Variants in DNER observed in about 807,000 individuals in gnomAD.
The protein encoded by DNER is delta and Notch-like epidermal growth factor-related receptor.
Under a neutral mutation model 78.2 loss-of-function variants are expected in DNER, and 33 were observed. That is an observed-to-expected ratio of 0.42 (90% confidence interval 0.32 to 0.56). The LOEUF is 0.56. Ranked by LOEUF, DNER falls within the 20% of genes least tolerant of loss-of-function variation. The pLI, the probability that DNER is intolerant of heterozygous loss-of-function variation, is 0.11. For synonymous variants in DNER, 417 were observed against 384.8 expected (o/e 1.08, Z -0.98); for missense variants, 918 against 975.3 (o/e 0.94, Z 0.78).
intron 7 of DNER, among the ~76,000 whole-genome samples, chr2:229,467,558 C>T (rs2154211043): frequency 6.6e-6 from 1 of 152,262 alleles, no homozygotes; most frequent in African/African-American, 2.4e-5. Flanking sequence ...AGGGCCAGGA[C>T]TGTATCACAT....
intron 8 of DNER, among the ~76,000 whole-genome samples, chr2:229,425,514 A>AGGACACTTTGCTGCAAAAGGAATT (rs1402663022): frequency 1.3e-5 from 2 of 152,142 alleles, no homozygotes; most frequent in Non-Finnish European, 2.9e-5. Context: ...AAAGGTCTTA[A>AGGACACTTTGCTGCAAAAGGAATT]GAGTCACTCA....
At chr2:229,624,610 C>G (rs1323902534) in intron 1 of DNER, among the ~76,000 whole-genome samples, 1 of 152,156 alleles carries the variant, frequency 6.6e-6, no homozygotes, top group Non-Finnish European at 1.5e-5. Flanking sequence ...TAAAATAGTT[C>G]CTGTCTTAAA....
rs143726600 is a variant in DNER at position 229,437,131 on chromosome 2, G to A, written c.1486+10185C>T. Among the ~76,000 whole-genome samples, 75 of 152,296 alleles carry A rather than the reference G, an allele frequency of 4.9e-4. 1 individual carries two copies. The highest frequency in any genetic ancestry group is 1.7e-3 in the African/African-American group (72 of 41,560). ...ACCAAACAAACAGAAAACATAAAAA[G>A]GCAGGGGCTGCTATACAAATAGGAT... On this transcript the variant is annotated intron_variant, in intron 8 of 12. Transcript: ENST00000341772.
At chr2:229,712,277 C>T (rs1225707892) in intron 1 of DNER, among the ~76,000 whole-genome samples, 2 of 152,192 alleles carry the variant, frequency 1.3e-5, no homozygotes, top group Non-Finnish European at 2.9e-5. Context: ...TATTATACAT[C>T]AAGTCACTAC....
chr2:229,548,809 T>C (rs1445398988), intron 4 of DNER, among the ~76,000 whole-genome samples: 1 of 152,164 alleles, frequency 6.6e-6, no homozygotes, highest in African/African-American at 2.4e-5. Flanking sequence ...TATAGGGGGC[T>C]ATTTCATTGA....
chr2:229,502,173 A>G (rs1284126862), intron 6 of DNER, among the ~76,000 whole-genome samples: 2 of 152,198 alleles, frequency 1.3e-5, no homozygotes, highest in Non-Finnish European at 2.9e-5. Context: ...ACCCATATGG[A>G]GCATGGCCCT....
intron 4 of DNER, among the ~76,000 whole-genome samples, chr2:229,563,760 C>A (rs1486683210): frequency 1.5e-5 from 2 of 130,982 alleles, no homozygotes; most frequent in Admixed American, 7.6e-5. Context: ...CATCATCCTC[C>A]TCACCCCATC....
At chr2:229,648,517 T>C (rs892114938) in intron 1 of DNER, among the ~76,000 whole-genome samples, 1 of 152,236 alleles carries the variant, frequency 6.6e-6, no homozygotes, top group East Asian at 1.9e-4. Flanking sequence ...TTTGTACCAC[T>C]TGGAAGTGCC....
At chr2:229,597,930 G>A (rs1005707565) in intron 1 of DNER, among the ~76,000 whole-genome samples, 4 of 152,196 alleles carry the variant, frequency 2.6e-5, no homozygotes, top group Admixed American at 1.3e-4. Flanking sequence ...AGACCTGAGC[G>A]AGGGTGCCAG....
At chr2:229,576,651 G>C (rs1244330584) in intron 4 of DNER, among the ~76,000 whole-genome samples, 1 of 152,156 alleles carries the variant, frequency 6.6e-6, no homozygotes, top group South Asian at 2.1e-4. Context: ...AGGTTTGTGG[G>C]GGGGAACGGA....
chr2:229,693,344 C>T (rs1239101339), intron 1 of DNER, among the ~76,000 whole-genome samples: 1 of 151,982 alleles, frequency 6.6e-6, no homozygotes, highest in Non-Finnish European at 1.5e-5. Flanking sequence ...TTATAAATTA[C>T]TCAGTCTCAG....
chr2:229,358,980 C>T (rs1404341188), intron 12 of DNER, among the ~76,000 whole-genome samples: 2 of 152,128 alleles, frequency 1.3e-5, no homozygotes, highest in Admixed American at 6.5e-5. Flanking sequence ...TCTTCTGAGG[C>T]CCATAAATAT....
At position 229,359,712 on chromosome 2, in the gene DNER, A is replaced by C. The variant is rs1692170781; in HGVS notation, c.2103-1061T>G. On this transcript the variant is annotated intron_variant, in intron 12 of 12. Transcript: ENST00000341772. ...CTATTTTTTCCTTTGATATGTTGAA[A>C]GTCTGTCTTCTCATGTATGGAGATG... is the stretch of plus-strand genomic sequence containing the variant. Among the ~76,000 whole-genome samples, 5 of 152,178 alleles carry C rather than the reference A, an allele frequency of 3.3e-5. No individual in the cohort carries two copies. The South Asian group carries it at 1.0e-3, about 32-fold the overall frequency.
chr2:229,376,014 C>A (rs1222602290), intron 11 of DNER, among the ~76,000 whole-genome samples: 1 of 152,188 alleles, frequency 6.6e-6, no homozygotes, highest in Non-Finnish European at 1.5e-5. Context: ...CTCAACATTT[C>A]TCCTTCCTGC....
intron 4 of DNER, among the ~76,000 whole-genome samples, chr2:229,569,395 G>A (rs546788941): frequency 3.4e-4 from 51 of 152,202 alleles, no homozygotes; most frequent in African/African-American, 1.1e-3. Context: ...GATGGCTCAC[G>A]CCTGTAGTCC....
intron 9 of DNER, among the ~76,000 whole-genome samples, chr2:229,415,410 C>A (rs1235229876): frequency 6.6e-6 from 1 of 152,166 alleles, no homozygotes; most frequent in Non-Finnish European, 1.5e-5. Flanking sequence ...CTAAGCCACA[C>A]CTGGACCTAG....
At chr2:229,416,761 T>C (rs370393060) in intron 9 of DNER, among the ~76,000 whole-genome samples, 2 of 152,162 alleles carry the variant, frequency 1.3e-5, no homozygotes, top group East Asian at 3.9e-4. Flanking sequence ...ATACCCTTTC[T>C]TGAGACCCCA....
At position 229,460,238 on chromosome 2, in the gene DNER, A is replaced by G. The variant is rs1233006182; in HGVS notation, c.1262-12698T>C. Among the ~76,000 whole-genome samples, 4 of 151,616 alleles carry G rather than the reference A, an allele frequency of 2.6e-5. No homozygotes were observed. In the East Asian group the frequency reaches 7.7e-4, roughly 29 times the overall value. On this transcript the variant is annotated intron_variant, in intron 7 of 12. Coordinates refer to ENST00000341772, the MANE Select transcript of DNER (RefSeq NM_139072.4). ...TGTGCTACCAACTCCTTATAAAATCAGAACTCTTAAAATAATTCAGATATC... is the reference window on the plus strand; with the variant it reads ...TGTGCTACCAACTCCTTATAAAATCGGAACTCTTAAAATAATTCAGATATC...
rs1695219696 is a variant in DNER, at chr2:229,483,985, CA to C, written c.1148-6733del. ...ATCACTGTATACTTCTCATTACCTA[CA>C]ATGATTTTCTTTATTGGTTTCCTTC... On this transcript the variant is annotated intron_variant, in intron 6 of 12. Transcript: ENST00000341772. Among the ~76,000 whole-genome samples the C allele has an allele frequency of 2.0e-5, 3 of 152,318 alleles. No individual in the cohort carries two copies. The South Asian group carries it at 6.2e-4, about 32-fold the overall frequency.
Sources: gnomAD v4.1 joint callset for allele counts (sites outside exome capture counted in the v4.1 genomes callset) on GRCh38, gnomAD v4.1.1 for gene constraint, MANE v1.5 for transcripts, NCBI Gene and HGNC (gene_info 2026-07-23, HGNC 2026-07-21) for gene names.